WDSUB1: variants seen among roughly 807,000 people sequenced by gnomAD.
WDSUB1 encodes WD repeat, sterile alpha motif and U-box domain containing 1, also known as WD repeat, SAM and U-box domain-containing protein 1.
Under a neutral mutation model 53.9 loss-of-function variants are expected in WDSUB1, and 49 were observed. The observed-to-expected ratio is 0.91, with a 90% CI of 0.72 to 1.15. The LOEUF (loss-of-function observed/expected upper bound fraction) is 1.15, where lower values mean the gene tolerates loss of function less well. Ranked by LOEUF, WDSUB1 falls within the 50% of genes most tolerant of loss-of-function variation. The probability of loss-of-function intolerance (pLI) is 0.00; values close to 1 mark genes in which losing one functional copy is unlikely to be tolerated. For synonymous variants in WDSUB1, 194 were observed against 200.6 expected, an observed-to-expected ratio of 0.97 and a Z score of 0.28; for missense variants, 514 against 562.0, an observed-to-expected ratio of 0.91 and a Z score of 0.86.
intron 10 of WDSUB1, among the ~76,000 whole-genome samples, chr2:159,237,865 T>C (rs891263366): frequency 6.6e-6 from 1 of 152,266 alleles, no homozygotes; most frequent in Non-Finnish European, 1.5e-5. Context: ...AGTGCTACAA[T>C]GAAGTCTTAT....
At chr2:159,238,289 T>TA (rs2060542470) in intron 10 of WDSUB1, among the ~76,000 whole-genome samples, 1 of 39,750 alleles carries the variant, frequency 2.5e-5, no homozygotes, top group Admixed American at 1.7e-4. Flanking sequence ...GGAATTTACT[T>TA]ACAAATTCTA....
intron 5 of WDSUB1, among the ~76,000 whole-genome samples, chr2:159,260,155 A>T (rs1001529737): frequency 1.3e-5 from 2 of 152,074 alleles, no homozygotes; most frequent in African/African-American, 4.8e-5. Flanking sequence ...ACAGAAAAAA[A>T]TTATCCGGGC....
intron 9 of WDSUB1, 45 bp from the exon 10 acceptor site, chr2:159,248,557 T>G: frequency 6.9e-7 from 1 of 1,459,364 alleles, no homozygotes; most frequent in Non-Finnish European, 9.0e-7. Flanking sequence ...CTAGTAATCC[T>G]TACTACTAGG....
At chr2:159,241,719 CTT>C (rs527377114) in intron 10 of WDSUB1, among the ~76,000 whole-genome samples, 12 of 130,310 alleles carry the variant, frequency 9.2e-5, no homozygotes, top group Non-Finnish European at 1.6e-4. Context: ...TTTCTTTTTT[CTT>C]TTTTTTTTTG....
At chr2:159,255,062 C>A (rs7584963) in intron 9 of WDSUB1, among the ~76,000 whole-genome samples, 1 of 151,714 alleles carries the variant, frequency 6.6e-6, no homozygotes, top group Admixed American at 6.6e-5. Context: ...CCTGGGAGGT[C>A]GAGGCTGTAG....
rs2060690668 is a variant in WDSUB1, at chr2:159,242,780, T to A, written c.1273+5592A>T. 2.7e-5 allele frequency among the ~76,000 whole-genome samples: 4 copies of A among 148,134 alleles called. 1 individual carries two copies. The South Asian group carries it at 8.4e-4, about 31-fold the overall frequency. ...CATGAGAATACAGAAGAGCCCCCAT[T>A]TTTAAAATCGCTTGTCTGTTTTTCA... On this transcript the variant is annotated intron_variant, in intron 10 of 10. Transcript: ENST00000359774.
intron 6 of WDSUB1, among the ~76,000 whole-genome samples, chr2:159,259,116 G>A (rs561886258): frequency 1.3e-5 from 2 of 151,690 alleles, no homozygotes; most frequent in African/African-American, 2.4e-5. Flanking sequence ...CTCCACCTCC[G>A]GGGTTCAAGC....
chr2:159,251,099 C>CA lies in WDSUB1; in HGVS notation c.1133-2588dup, dbSNP rs568029666. Among the ~76,000 whole-genome samples the CA allele has an allele frequency of 6.0e-3, 634 of 105,780 alleles. 18 individuals are homozygous for CA. The highest frequency in any genetic ancestry group is 0.013 in the Non-Finnish European group (479 of 36,652). 69.4% of individuals were successfully genotyped at this position (105,780 alleles called of 152,430 possible). A position where few individuals can be genotyped will look rare whatever the true frequency, so the allele number is the denominator to read the frequency against. ...GCAACATAGCAAGACTCTTTCTCTACAAAAAAAATTTTAAAAATTAGCTGG... is the reference window on the plus strand; with the variant it reads ...GCAACATAGCAAGACTCTTTCTCTACAAAAAAAAATTTTAAAAATTAGCTGG... On this transcript the variant is annotated intron_variant, in intron 9 of 10. Coordinates refer to ENST00000359774, the MANE Select transcript of WDSUB1 (RefSeq NM_001128212.3).
intron 8 of WDSUB1, among the ~76,000 whole-genome samples, chr2:159,257,467 ACCT>A (rs1205214092): frequency 1.1e-4 from 16 of 150,844 alleles, no homozygotes; most frequent in Non-Finnish European, 2.2e-4. Context: ...GGTCACTGTA[ACCT>A]CCGCCTCCCA....
At chr2:159,255,636 T>G (rs996345577) in intron 9 of WDSUB1, among the ~76,000 whole-genome samples, 1 of 152,202 alleles carries the variant, frequency 6.6e-6, no homozygotes, top group African/African-American at 2.4e-5. Flanking sequence ...TCACGTACTA[T>G]GTTTACTATG....
chr2:159,254,920 C>T (rs2061027788), intron 9 of WDSUB1, among the ~76,000 whole-genome samples: 1 of 151,884 alleles, frequency 6.6e-6, no homozygotes, highest in South Asian at 2.1e-4. Context: ...TGCTTGACCC[C>T]AGCAGTTTAA....
At chr2:159,282,200 T>A (rs1314858991) in intron 2 of WDSUB1, among the ~76,000 whole-genome samples, 12 of 69,762 alleles carry the variant, frequency 1.7e-4, no homozygotes, top group Non-Finnish European at 2.8e-4. Context: ...AAAAAAAATT[T>A]TTTTTTTTTT....
chr2:159,261,844 ACT>A (rs1239278633), intron 5 of WDSUB1, among the ~76,000 whole-genome samples: 1 of 96,836 alleles, frequency 1.0e-5, no homozygotes, highest in Non-Finnish European at 2.0e-5. Context: ...GTCAACTGAA[ACT>A]CATATATATA....
At chr2:159,250,391 TAA>T (rs933648373) in intron 9 of WDSUB1, among the ~76,000 whole-genome samples, 22 of 152,318 alleles carry the variant, frequency 1.4e-4, no homozygotes, top group African/African-American at 5.3e-4. Context: ...ATTTATAACT[TAA>T]AAAGATTCCC....
At chr2:159,247,778 C>T (rs1370632870) in intron 10 of WDSUB1, among the ~76,000 whole-genome samples, 2 of 149,680 alleles carry the variant, frequency 1.3e-5, no homozygotes, top group African/African-American at 2.4e-5. Flanking sequence ...ATGTATCATA[C>T]AGCCACAATG....
intron 9 of WDSUB1, among the ~76,000 whole-genome samples, chr2:159,250,618 C>T (rs1183359801): frequency 6.6e-6 from 1 of 152,112 alleles, no homozygotes; most frequent in Non-Finnish European, 1.5e-5. Flanking sequence ...GCTGTGTTTT[C>T]CAAGGGTTAG....
intron 9 of WDSUB1, among the ~76,000 whole-genome samples, chr2:159,253,400 T>C (rs2060994065): frequency 6.6e-6 from 1 of 152,228 alleles, no homozygotes; most frequent in South Asian, 2.1e-4. Flanking sequence ...ATGACTATTA[T>C]CCTTGGGTAA....
At position 159,282,690 on chromosome 2, in the gene WDSUB1, T is replaced by C. The variant is rs773384072; in HGVS notation, c.380A>G (p.Gln127Arg). ...ADGTVVLWNA[Q>R]SYKLYRCGSV... ...TCCATACCTATATAATTTGTATGAC[T>C]GTGCATTCCACAAAACCACAGTTCC... The change falls in exon 2 of 11, where the codon CAG (glutamine) becomes CGG (arginine). Residue 127 changes from glutamine (Q) to arginine (R), a missense_variant. Gln to Arg is a conservative substitution (Grantham distance 43). Coordinates refer to ENST00000359774, the MANE Select transcript of WDSUB1 (RefSeq NM_001128212.3). 6 of 1,612,736 alleles carry C rather than the reference T, an allele frequency of 3.7e-6. No homozygotes were observed. The East Asian group carries it at 8.9e-5, about 24-fold the overall frequency.
chr2:159,239,335 T>A (rs1003086457), intron 10 of WDSUB1, among the ~76,000 whole-genome samples: 1 of 152,238 alleles, frequency 6.6e-6, no homozygotes, highest in Admixed American at 6.5e-5. Context: ...TTCTAGTTTT[T>A]GTTACTGTAA....
Sources: allele counts gnomAD v4.1 joint callset (sites outside exome capture counted in the v4.1 genomes callset), GRCh38; gene constraint gnomAD v4.1.1; transcripts MANE v1.5; gene names NCBI Gene and HGNC (gene_info 2026-07-23, HGNC 2026-07-21).